MRPL3: variants seen among roughly 807,000 people sequenced by gnomAD.
MRPL3 encodes the protein mitochondrial ribosomal protein L3, also known as large ribosomal subunit protein uL3m.
A neutral mutation model predicts 44.3 loss-of-function variants in MRPL3; 43 were observed. That is an observed-to-expected ratio of 0.97 (90% CI 0.76 to 1.25). The LOEUF is 1.25. MRPL3 is among the 50% of genes most tolerant of loss of function. The pLI is 0.00. For synonymous variants in MRPL3, 171 were observed against 152.3 expected, an observed-to-expected ratio of 1.12 and a Z score of -0.91; for missense variants, 406 against 427.6, an observed-to-expected ratio of 0.95 and a Z score of 0.45.
At chr3:131,502,580 G>A in intron 1 of MRPL3, 150 bp downstream of exon 1, 2 of 624,216 alleles carry the variant, frequency 3.2e-6, no homozygotes, top group Non-Finnish European at 5.5e-6. Flanking sequence ...CTTAGAACGT[G>A]CTTCCTTAGG....
intron 7 of MRPL3, among the ~76,000 whole-genome samples, chr3:131,470,320 C>T (rs1238314599): frequency 1.3e-5 from 2 of 152,096 alleles, no homozygotes; most frequent in African/African-American, 4.8e-5. Context: ...CTGATTTTGG[C>T]TCTGATAACG....
intron 6 of MRPL3, among the ~76,000 whole-genome samples, chr3:131,486,939 A>G (rs1027476073): frequency 6.6e-6 from 1 of 152,302 alleles, no homozygotes; most frequent in Non-Finnish European, 1.5e-5. Flanking sequence ...TTGACCCAGC[A>G]ATCCCATTAC....
At chr3:131,471,725 G>A (rs147664880) in intron 6 of MRPL3, among the ~76,000 whole-genome samples, 5 of 152,238 alleles carry the variant, frequency 3.3e-5, no homozygotes, top group African/African-American at 9.6e-5. Flanking sequence ...TTGAGTCTGG[G>A]TGAACCTAGT....
In MRPL3 at chr3:131,502,733, T is replaced by C; in HGVS notation, c.89A>G (p.Asn30Ser). 5 of 1,608,698 alleles carry C rather than the reference T, an allele frequency of 3.1e-6. No individual in the cohort carries two copies. Among genetic ancestry groups the C allele is most frequent in the Non-Finnish European group, 4.2e-6 (5 of 1,176,768 alleles). ...GGACACCCTCACACCTTCCTACCTG[T>C]TCCCCGGGCCCAGGGCAGCACCCAG... is the stretch of plus-strand genomic sequence containing the variant. ...DGLGAALGPG[N>S]RTHIWLFVRG... Residue 30 changes from asparagine to serine, a missense_variant, in exon 1 of 10, where the codon AAC (asparagine) becomes AGC (serine). Asn to Ser is a conservative substitution (Grantham distance 46). Coordinates refer to ENST00000264995, the MANE Select transcript of MRPL3 (RefSeq NM_007208.4).
chr3:131,501,411 C>T (rs904305377), intron 2 of MRPL3, 120 bp downstream of exon 2: 8 of 891,914 alleles, frequency 9.0e-6, no homozygotes, highest in African/African-American at 3.4e-5. Context: ...ATAAAACACA[C>T]GCAGCACATG....
intron 9 of MRPL3, among the ~76,000 whole-genome samples, chr3:131,466,284 A>G (rs1933599125): frequency 6.6e-6 from 1 of 152,162 alleles, no homozygotes; most frequent in Non-Finnish European, 1.5e-5. Flanking sequence ...CTTTGCTGCT[A>G]TCATTGGAAA....
intron 6 of MRPL3, among the ~76,000 whole-genome samples, chr3:131,473,853 A>G (rs1933792807): frequency 6.6e-6 from 1 of 152,154 alleles, no homozygotes; most frequent in African/African-American, 2.4e-5. Flanking sequence ...CAAAACCACA[A>G]TGAGATACCA....
At chr3:131,472,802 A>G (rs1264940010) in intron 6 of MRPL3, among the ~76,000 whole-genome samples, 1 of 152,198 alleles carries the variant, frequency 6.6e-6, no homozygotes, top group Non-Finnish European at 1.5e-5. Context: ...AAAATCAAGA[A>G]AACAATTCCA....
intron 8 of MRPL3, 103 bp from the exon 9 acceptor site, chr3:131,468,271 T>C (rs1238615952): frequency 5.0e-6 from 3 of 596,754 alleles, no homozygotes; most frequent in South Asian, 2.8e-5. Context: ...TAAAAGATTA[T>C]TACCAGTACT....
rs1242072183 is a variant in MRPL3 at position 131,497,954 on chromosome 3, G to C, written c.468+225C>G. 9.2e-6 allele frequency: 5 copies of C among 542,462 alleles called. No individual in the cohort carries two copies. The East Asian group carries it at 1.6e-4, about 18-fold the overall frequency. The allele number at this position is 542,462 out of a possible 1,614,324, so 33.6% of individuals were successfully genotyped here. Reference sequence around the variant, plus strand: ...ATATACAAGCACTACAGCTTAGAGAGGTAAAATTACTTGTTCCAGATACAG... The same window carrying C: ...ATATACAAGCACTACAGCTTAGAGACGTAAAATTACTTGTTCCAGATACAG... On this transcript the variant is annotated intron_variant, in intron 4 of 9. Transcript: ENST00000264995.
At chr3:131,470,254 A>C (rs1021582440) in intron 7 of MRPL3, among the ~76,000 whole-genome samples, 4 of 152,178 alleles carry the variant, frequency 2.6e-5, no homozygotes, top group Non-Finnish European at 5.9e-5. Flanking sequence ...GTTAGTTATC[A>C]GAATACTAGT....
At chr3:131,502,654 G>A (rs1354074159) in intron 1 of MRPL3, 76 bp downstream of exon 1, 2 of 1,258,484 alleles carry the variant, frequency 1.6e-6, no homozygotes, top group Non-Finnish European at 1.1e-6. Flanking sequence ...CCACCCAGGG[G>A]AGGCCCAACT....
intron 6 of MRPL3, among the ~76,000 whole-genome samples, chr3:131,479,844 C>CA (rs931648507): frequency 1.3e-5 from 2 of 151,508 alleles, no homozygotes; most frequent in Non-Finnish European, 2.9e-5. Flanking sequence ...GACTCCGTCT[C>CA]AAAAAAAAGA....
At chr3:131,501,975 A>T in intron 1 of MRPL3, 1 of 1,440,636 alleles carries the variant, frequency 6.9e-7, no homozygotes, top group Non-Finnish European at 9.4e-7. Flanking sequence ...TTCCCCAAAA[A>T]ACAGTCCTAC....
intron 4 of MRPL3, among the ~76,000 whole-genome samples, chr3:131,495,664 C>G (rs1357288080): frequency 6.6e-6 from 1 of 152,018 alleles, no homozygotes; most frequent in African/African-American, 2.4e-5. Context: ...AATGCAATAC[C>G]TATCATTCTG....
At position 131,498,236 on chromosome 3, in the gene MRPL3, G is replaced by A. The variant is rs199536859; in HGVS notation, c.411C>T (p.Asn137=). The A allele has an allele frequency of 1.9e-6, 3 of 1,612,434 alleles. No homozygotes were observed. The East Asian group carries it at 6.7e-5, about 36-fold the overall frequency. Residue 137 remains asparagine (N), a synonymous_variant, in exon 4 of 10, where the codon AAC becomes AAT. Transcript: ENST00000264995. ...CHVLKYTSKE[N]CNGKMATLSV... is the part of the protein sequence containing the mutation. The stretch of plus-strand genomic sequence containing the variant: ...ACAGGGTTGCCATTTTTCCATTACA[G>A]TTTTCCTTTGACGTATATTTTAAGA...
chr3:131,496,509 C>A (rs149569569), intron 4 of MRPL3, among the ~76,000 whole-genome samples: 1 of 152,304 alleles, frequency 6.6e-6, no homozygotes, highest in Non-Finnish European at 1.5e-5. Flanking sequence ...ATTGACTAAT[C>A]AGTATTTCTC....
In MRPL3 at chr3:131,489,301, C is replaced by T. The variant is rs565280091; in HGVS notation, c.568+680G>A. On this transcript the variant is annotated intron_variant, in intron 5 of 9. Coordinates refer to ENST00000264995, the MANE Select transcript of MRPL3 (RefSeq NM_007208.4). ...CTTCAAAGAATACTTTTAATTCTAC[C>T]TTGTATCAAGGCTGACCCTCTGTCA... Among the ~76,000 whole-genome samples, 3 of 152,096 alleles carry T rather than the reference C, an allele frequency of 2.0e-5. No homozygotes were observed. The South Asian group carries it at 6.2e-4, about 32-fold the overall frequency.
Position 131,467,242 on chromosome 3 carries a change from A to G in MRPL3, c.894+849T>C, listed in dbSNP as rs905012917. On this transcript the variant is annotated intron_variant, in intron 9 of 9. Transcript: ENST00000264995. Reference sequence around the variant, plus strand: ...GAATATTCTTCAGCCATACGCGCGCACACACACACACATACACACACACAC... The same window carrying G: ...GAATATTCTTCAGCCATACGCGCGCGCACACACACACATACACACACACAC... Among the ~76,000 whole-genome samples the G allele has an allele frequency of 1.4e-4, 10 of 69,632 alleles. No individual in the cohort carries two copies. In the East Asian group the frequency reaches 1.4e-3, roughly 10 times the overall value. The allele number at this position is 69,632 out of a possible 152,430, so 45.7% of individuals were successfully genotyped here.
Sources: allele counts gnomAD v4.1 joint callset (sites outside exome capture counted in the v4.1 genomes callset), GRCh38; gene constraint gnomAD v4.1.1; transcripts MANE v1.5; gene names NCBI Gene and HGNC (gene_info 2026-07-23, HGNC 2026-07-21).